Variants in ARMC8 observed in about 807,000 individuals in gnomAD.
ARMC8 encodes armadillo repeat-containing protein 8.
In ARMC8, 20 loss-of-function variants were observed where a neutral mutation model predicts 99.3. That is an observed-to-expected ratio of 0.20 (90% CI 0.14 to 0.29). The LOEUF (loss-of-function observed/expected upper bound fraction) is 0.29. ARMC8 is among the 10% of genes least tolerant of loss of function. ARMC8 has a pLI of 1.00. For missense variants in ARMC8, 569 were observed against 809.5 expected, an observed-to-expected ratio of 0.70 and a Z score of 3.60; for synonymous variants, 263 against 278.3, an observed-to-expected ratio of 0.95 and a Z score of 0.55.
At chr3:138,294,555 T>C (rs970952364) in intron 21 of ARMC8, among the ~76,000 whole-genome samples, 3 of 152,230 alleles carry the variant, frequency 2.0e-5, no homozygotes, top group African/African-American at 7.2e-5. Flanking sequence ...GAATACACCT[T>C]AGTATACCAC....
At position 138,252,295 on chromosome 3, in the gene ARMC8, G is replaced by A. The variant is rs1019767261; in HGVS notation, c.1134+7112G>A. On this transcript the variant is annotated intron_variant, in intron 12 of 21. Coordinates refer to ENST00000469044, the MANE Select transcript of ARMC8 (RefSeq NM_001363941.2). ...GTTATATTGCCGTACGACCTTGTTG[G>A]TTTATGTGTTGACTTTTGACTGTTT... 1.6e-4 allele frequency among the ~76,000 whole-genome samples: 24 copies of A among 152,204 alleles called. No individual in the cohort carries two copies. In the East Asian group the frequency reaches 4.6e-3, roughly 29 times the overall value.
In ARMC8 at chr3:138,239,310, G is replaced by A. The variant is rs150444078; in HGVS notation, c.777-158G>A. 954 of 539,558 alleles carry A rather than the reference G, an allele frequency of 1.8e-3. 7 individuals carry two copies. Among genetic ancestry groups the A allele is most frequent in the African/African-American group, 0.017 (848 of 50,004 alleles). The allele number at this position is 539,558 out of a possible 1,614,324, so 33.4% of individuals were successfully genotyped here. On this transcript the variant is annotated intron_variant, in intron 9 of 21. Transcript: ENST00000469044. Reference sequence around the variant, plus strand: ...GTTAGTTTTCTTTGACTATTAAATTGACTGAACCTCCGAAAAGCGAATTGT... The same window carrying A: ...GTTAGTTTTCTTTGACTATTAAATTAACTGAACCTCCGAAAAGCGAATTGT...
At chr3:138,270,833 A>G (rs1465433437) in intron 16 of ARMC8, among the ~76,000 whole-genome samples, 2 of 152,126 alleles carry the variant, frequency 1.3e-5, no homozygotes, top group East Asian at 3.8e-4. Context: ...GATTATTAAA[A>G]TTTTCTTGAA....
chr3:138,234,164 G>A (rs571292443), intron 6 of ARMC8, among the ~76,000 whole-genome samples: 2 of 151,738 alleles, frequency 1.3e-5, no homozygotes, highest in African/African-American at 4.8e-5. Flanking sequence ...ACAGTGCAGT[G>A]GTACGATCTT....
At chr3:138,225,368 C>T (rs760819098) in intron 5 of ARMC8, among the ~76,000 whole-genome samples, 13 of 152,166 alleles carry the variant, frequency 8.5e-5, no homozygotes, top group Non-Finnish European at 1.6e-4. Flanking sequence ...CTCGGCCTCC[C>T]AAAGTGCTGG....
At chr3:138,229,178 A>T (rs9838099) in intron 6 of ARMC8, 168 bp downstream of exon 6, 1 of 32,100 alleles carries the variant, frequency 3.1e-5, no homozygotes, top group African/African-American at 9.7e-5. Flanking sequence ...ATATATATAT[A>T]TATATGTATA....
chr3:138,191,122 A>G (rs981494726), intron 1 of ARMC8, among the ~76,000 whole-genome samples: 5 of 152,212 alleles, frequency 3.3e-5, no homozygotes, highest in African/African-American at 4.8e-5. Context: ...ATCTTGTCGT[A>G]TTAGAGAGTA....
intron 18 of ARMC8, among the ~76,000 whole-genome samples, chr3:138,276,356 C>T (rs1377373536): frequency 6.6e-6 from 1 of 152,146 alleles, no homozygotes; most frequent in Non-Finnish European, 1.5e-5. Context: ...GAAACTGTCA[C>T]CACAGACAAG....
chr3:138,201,386 T>C (rs1165988850), intron 1 of ARMC8, among the ~76,000 whole-genome samples: 1 of 149,928 alleles, frequency 6.7e-6, no homozygotes, highest in African/African-American at 2.4e-5. Flanking sequence ...GCTTTAGAGC[T>C]CTTGCATATG....
intron 18 of ARMC8, among the ~76,000 whole-genome samples, chr3:138,276,490 AAGAG>A (rs2049306610): frequency 6.6e-6 from 1 of 152,222 alleles, no homozygotes; most frequent in Non-Finnish European, 1.5e-5. Flanking sequence ...AAAAAGAAAT[AAGAG>A]GTATACAGAT....
chr3:138,198,339 A>G (rs2043854576), intron 1 of ARMC8, among the ~76,000 whole-genome samples: 1 of 152,082 alleles, frequency 6.6e-6, no homozygotes, highest in African/African-American at 2.4e-5. Context: ...AAACCTGCAG[A>G]TAATCTTTAG....
chr3:138,194,376 C>T (rs570840458), intron 1 of ARMC8, among the ~76,000 whole-genome samples: 7 of 121,864 alleles, frequency 5.7e-5, no homozygotes, highest in Non-Finnish European at 8.2e-5. Flanking sequence ...GAGTCTCTGT[C>T]GCCCAGGCTG....
At chr3:138,239,578 T>G (rs201990646) in intron 10 of ARMC8, 50 bp downstream of exon 10, 3 of 1,190,290 alleles carry the variant, frequency 2.5e-6, no homozygotes, top group Non-Finnish European at 3.7e-6. Flanking sequence ...AGTTATGTGT[T>G]AAATATCAGT....
chr3:138,280,563 G>A (rs766352631), intron 18 of ARMC8, among the ~76,000 whole-genome samples: 1 of 148,600 alleles, frequency 6.7e-6, no homozygotes, highest in Admixed American at 6.7e-5. Flanking sequence ...GTGTGATCTC[G>A]GCTCACTGCA....
chr3:138,290,555 A>G lies in ARMC8; in HGVS notation c.1904A>G (p.Glu635Gly), dbSNP rs930959957. The change falls in exon 21 of 22, where the codon GAA (glutamate) becomes GGA (glycine). Residue 635 changes from glutamate (E) to glycine (G), a missense_variant. Physicochemically the swap from Glu to Gly is moderately conservative, Grantham distance 98. Around this residue, in one of 2 missense-constraint regions of ARMC8, gnomAD observed 227 missense variants for 417.9 expected, o/e 0.54. Coordinates refer to ENST00000469044, the MANE Select transcript of ARMC8 (RefSeq NM_001363941.2). ...GGCTTTAATCGTTTAGGTTCACAAG[A>G]ACGCCAGGATAAATTACGAGACATG... Reference protein sequence around the residue: ...LIWNEEEGSQERQDKLRDMGI... With the variant: ...LIWNEEEGSQGRQDKLRDMGI... The G allele has an allele frequency of 1.9e-6, 3 of 1,602,876 alleles. No homozygotes were observed. The highest frequency in any genetic ancestry group is 2.6e-6 in the Non-Finnish European group (3 of 1,174,894).
intron 11 of ARMC8, among the ~76,000 whole-genome samples, chr3:138,244,390 G>A (rs1174341733): frequency 6.6e-6 from 1 of 151,990 alleles, no homozygotes; most frequent in African/African-American, 2.4e-5. Context: ...CCATTCTCCC[G>A]CCTCAGCCTC....
rs187699254 is a variant in ARMC8 at position 138,203,830 on chromosome 3, A to G, written c.46-5987A>G. ...GTTGCTGTTTTTGTTTTCCTGAATA[A>G]ATTTACTTCAGACTTCTCCCCAGCT... On this transcript the variant is annotated intron_variant, in intron 1 of 21. Transcript: ENST00000469044. Among the ~76,000 whole-genome samples, 3 of 152,298 alleles carry G rather than the reference A, an allele frequency of 2.0e-5. No homozygotes were observed. In the East Asian group the frequency reaches 5.8e-4, roughly 29 times the overall value.
intron 21 of ARMC8, among the ~76,000 whole-genome samples, chr3:138,293,488 G>A (rs114705527): frequency 3.3e-5 from 5 of 151,870 alleles, no homozygotes; most frequent in South Asian, 4.2e-4. Context: ...GTGGTGAGCC[G>A]AGATTGCACC....
At chr3:138,248,657 T>C (rs891876671) in intron 12 of ARMC8, among the ~76,000 whole-genome samples, 2 of 152,216 alleles carry the variant, frequency 1.3e-5, no homozygotes, top group Non-Finnish European at 2.9e-5. Context: ...ATTGCTGTTA[T>C]GAAGACCATC....
Sources: allele counts gnomAD v4.1 joint callset (sites outside exome capture counted in the v4.1 genomes callset), GRCh38; gene constraint gnomAD v4.1.1; regional missense constraint gnomAD v4.1.1; transcripts MANE v1.5; gene names NCBI Gene and HGNC (gene_info 2026-07-23, HGNC 2026-07-21).